Variants in SH3BGRL2 observed in about 807,000 individuals in gnomAD.
SH3BGRL2 encodes the protein SH3 domain-binding glutamic acid-rich-like protein 2.
Under a neutral mutation model 14.8 loss-of-function variants are expected in SH3BGRL2, and 21 were observed. The ratio of observed to expected loss-of-function variants is 1.42; its 90% CI spans 1.01 to 2.05. SH3BGRL2 has a LOEUF of 2.05. SH3BGRL2 is among the 30% of genes most tolerant of loss of function. The probability of loss-of-function intolerance (pLI) is 0.00; values close to 1 mark genes in which losing one functional copy is unlikely to be tolerated. For missense variants in SH3BGRL2, 147 were observed against 130.8 expected (o/e 1.12, Z -0.61); for synonymous variants, 50 against 47.8 (o/e 1.05, Z -0.19).
At chr6:79,593,626 GA>G in the SH3BGRL2 span, among the ~76,000 whole-genome samples, 2 of 152,112 alleles carry the variant, frequency 1.3e-5, no homozygotes, top group Admixed American at 1.3e-4. Context: ...GTGTGGGGAG[GA>G]AAAAAATACA....
the SH3BGRL2 span, among the ~76,000 whole-genome samples, chr6:79,597,263 GGAAA>G: frequency 2.1e-5 from 3 of 141,638 alleles, no homozygotes; most frequent in African/African-American, 8.0e-5. Context: ...AAGAGGAAGA[GGAAA>G]GAAAGAGAGA....
the SH3BGRL2 span, among the ~76,000 whole-genome samples, chr6:79,563,637 C>T: frequency 6.6e-6 from 1 of 152,082 alleles, no homozygotes; most frequent in Non-Finnish European, 1.5e-5. Context: ...CCCAATTGCC[C>T]CTGTAGCTTC....
the SH3BGRL2 span, among the ~76,000 whole-genome samples, chr6:79,538,627 T>C: frequency 6.6e-6 from 1 of 152,216 alleles, no homozygotes; most frequent in Non-Finnish European, 1.5e-5. Context: ...TGGACTCTGT[T>C]AGAATTAACA....
At chr6:79,575,971 A>G in the SH3BGRL2 span, among the ~76,000 whole-genome samples, 1 of 151,860 alleles carries the variant, frequency 6.6e-6, no homozygotes, top group Non-Finnish European at 1.5e-5. Flanking sequence ...TTTTTTTCCA[A>G]AGGAAGTTAG....
At chr6:79,693,222 T>G (rs377516773) in intron 2 of SH3BGRL2, among the ~76,000 whole-genome samples, 3 of 152,368 alleles carry the variant, frequency 2.0e-5, no homozygotes, top group South Asian at 4.1e-4. Flanking sequence ...CCTGAGACTT[T>G]GCTGAAGTTG....
chr6:79,586,235 C>CTTTTTTT, the SH3BGRL2 span, among the ~76,000 whole-genome samples: 7 of 54,962 alleles, frequency 1.3e-4, no homozygotes, highest in Admixed American at 3.2e-4. Context: ...GTATGGACTT[C>CTTTTTTT]TTTTTTTTTT....
At chr6:79,659,833 TCTC>T (rs1769504636) in intron 1 of SH3BGRL2, among the ~76,000 whole-genome samples, 1 of 152,200 alleles carries the variant, frequency 6.6e-6, no homozygotes, top group African/African-American at 2.4e-5. Context: ...GGTTTGTAGT[TCTC>T]CTTGAAGAGG....
At chr6:79,557,860 T>C in the SH3BGRL2 span, among the ~76,000 whole-genome samples, 1 of 152,196 alleles carries the variant, frequency 6.6e-6, no homozygotes, top group Non-Finnish European at 1.5e-5. Flanking sequence ...GAAGTTTCCT[T>C]GATTGCAGGG....
At chr6:79,538,022 T>TG in the SH3BGRL2 span, among the ~76,000 whole-genome samples, 1 of 64,450 alleles carries the variant, frequency 1.6e-5, no homozygotes, top group Non-Finnish European at 2.9e-5. Flanking sequence ...ACACAAGTTT[T>TG]TTTTTTTTTT....
chr6:79,596,596 CA>C, the SH3BGRL2 span, among the ~76,000 whole-genome samples: 1 of 152,176 alleles, frequency 6.6e-6, no homozygotes, highest in African/African-American at 2.4e-5. Flanking sequence ...CAATGTGCCA[CA>C]AAACCTTATT....
At chr6:79,667,467 G>T (rs1054043560) in intron 1 of SH3BGRL2, among the ~76,000 whole-genome samples, 11 of 149,510 alleles carry the variant, frequency 7.4e-5, no homozygotes, top group Non-Finnish European at 1.6e-4. Context: ...TTTTAATTGA[G>T]ACAGAGTCTC....
the SH3BGRL2 span, among the ~76,000 whole-genome samples, chr6:79,564,361 A>T: frequency 4.6e-5 from 7 of 151,972 alleles, no homozygotes; most frequent in Non-Finnish European, 7.4e-5. Flanking sequence ...GTAAAACTGC[A>T]CTGTATTTTA....
At chr6:79,675,205 C>CT (rs1769856499) in intron 2 of SH3BGRL2, among the ~76,000 whole-genome samples, 1 of 152,104 alleles carries the variant, frequency 6.6e-6, no homozygotes, top group Non-Finnish European at 1.5e-5. Flanking sequence ...GACTTCGAGG[C>CT]TTTGAAAATG....
the SH3BGRL2 span, among the ~76,000 whole-genome samples, chr6:79,581,529 T>C: frequency 6.6e-6 from 1 of 152,112 alleles, no homozygotes; most frequent in East Asian, 1.9e-4. Flanking sequence ...ACAGAACCAA[T>C]GACAGAAACC....
chr6:79,573,536 A>G, the SH3BGRL2 span, among the ~76,000 whole-genome samples: 1 of 152,182 alleles, frequency 6.6e-6, no homozygotes, highest in East Asian at 1.9e-4. Context: ...AGTCCACAAA[A>G]CAAAACAAAA....
chr6:79,670,647 A>G (rs1220272443), intron 1 of SH3BGRL2, among the ~76,000 whole-genome samples: 2 of 152,236 alleles, frequency 1.3e-5, no homozygotes, highest in Non-Finnish European at 2.9e-5. Flanking sequence ...CTGGATGAAG[A>G]GTGGCGTAAC....
At chr6:79,550,669 G>GTC in the SH3BGRL2 span, among the ~76,000 whole-genome samples, 3 of 152,072 alleles carry the variant, frequency 2.0e-5, no homozygotes, top group African/African-American at 4.8e-5. Flanking sequence ...GAGTACTTAC[G>GTC]TCTACAGGAT....
chr6:79,594,705 G>T, the SH3BGRL2 span, among the ~76,000 whole-genome samples: 1 of 152,164 alleles, frequency 6.6e-6, no homozygotes, highest in African/African-American at 2.4e-5. Flanking sequence ...AGAGCCATCA[G>T]CTGAGGACCC....
chr6:79,579,746 T>G, the SH3BGRL2 span, among the ~76,000 whole-genome samples: 16,232 of 152,080 alleles, frequency 0.11, 977 homozygotes, highest in Non-Finnish European at 0.13. Context: ...AATAATTAAT[T>G]GGCAAAATAA....
Sources: gnomAD v4.1 joint callset for allele counts (sites outside exome capture counted in the v4.1 genomes callset) on GRCh38, gnomAD v4.1.1 for gene constraint, MANE v1.5 for transcripts, NCBI Gene and HGNC (gene_info 2026-07-23, HGNC 2026-07-21) for gene names.